The following ESRRG variants were observed in gnomAD, a reference collection of about 807,000 sequenced individuals.
The protein encoded by ESRRG is estrogen related receptor gamma.
ESRRG carries 13 observed loss-of-function variants against 44.0 expected under a neutral mutation model. The ratio of observed to expected loss-of-function variants is 0.30; its 90% CI spans 0.19 to 0.47. The LOEUF is 0.47. ESRRG is among the 20% of genes least tolerant of loss of function. ESRRG has a pLI of 1.00. For synonymous variants in ESRRG, 215 were observed against 214.6 expected, an observed-to-expected ratio of 1.00 and a Z score of -0.02; for missense variants, 395 against 580.6, an observed-to-expected ratio of 0.68 and a Z score of 3.29.
intron 2 of ESRRG, among the ~76,000 whole-genome samples, chr1:216,934,403 CA>C (rs2063807767): frequency 6.6e-6 from 1 of 152,156 alleles, no homozygotes. Flanking sequence ...CACTCCTCTC[CA>C]GCTTAGGAGA....
intron 2 of ESRRG, among the ~76,000 whole-genome samples, chr1:216,907,802 T>G (rs1411311971): frequency 6.6e-6 from 1 of 152,178 alleles, no homozygotes; most frequent in Non-Finnish European, 1.5e-5. Flanking sequence ...ACGTATTTCT[T>G]GTTCTTGCTG....
At chr1:216,538,150 A>G (rs2051563125) in intron 5 of ESRRG, among the ~76,000 whole-genome samples, 1 of 151,938 alleles carries the variant, frequency 6.6e-6, no homozygotes, top group South Asian at 2.1e-4. Context: ...CTATTACTGC[A>G]TTGTGTCGAC....
intron 1 of ESRRG, among the ~76,000 whole-genome samples, chr1:216,972,953 C>T (rs1481477086): frequency 6.6e-6 from 1 of 152,136 alleles, no homozygotes; most frequent in African/African-American, 2.4e-5. Flanking sequence ...TACCCTACAT[C>T]TAAACCATCG....
intron 2 of ESRRG, among the ~76,000 whole-genome samples, chr1:216,774,091 T>G (rs1455884766): frequency 6.6e-6 from 1 of 152,072 alleles, no homozygotes. Context: ...CCACATAGCT[T>G]AGGAGTGGAA....
rs72743313 is a variant in ESRRG at position 217,106,257 on chromosome 1, A to G, written c.-230+31410T>C. Among the ~76,000 whole-genome samples, 452 of 152,322 alleles carry G rather than the reference A, an allele frequency of 3.0e-3. 1 individual carries two copies. Among genetic ancestry groups the G allele is most frequent in the Non-Finnish European group, 5.3e-3 (358 of 68,040 alleles). On this transcript the variant is annotated intron_variant, in intron 1 of 8. Transcript: ENST00000366940. ...ATTCTCAATACATAATCCAGAGAAA[A>G]GAGCGGCATCTCTGACTAAATGGCA...
At chr1:217,106,336 T>C (rs1412870390) in intron 1 of ESRRG, among the ~76,000 whole-genome samples, 1 of 151,924 alleles carries the variant, frequency 6.6e-6, no homozygotes, top group African/African-American at 2.4e-5. Context: ...TCAGCCACCA[T>C]TCGGGAAGCC....
At chr1:216,573,401 G>C (rs2149694704) in intron 3 of ESRRG, among the ~76,000 whole-genome samples, 1 of 151,964 alleles carries the variant, frequency 6.6e-6, no homozygotes, top group South Asian at 2.1e-4. Flanking sequence ...TGGATGTAAA[G>C]AGTATATCCT....
chr1:216,619,831 G>A (rs1038871250), intron 3 of ESRRG, among the ~76,000 whole-genome samples: 2 of 152,154 alleles, frequency 1.3e-5, no homozygotes, highest in African/African-American at 4.8e-5. Flanking sequence ...GTGGCCAGGA[G>A]AGTCAAGCTG....
chr1:216,560,090 G>T (rs2058415712), intron 5 of ESRRG, among the ~76,000 whole-genome samples: 1 of 152,004 alleles, frequency 6.6e-6, no homozygotes, highest in South Asian at 2.1e-4. Context: ...GGTTTATGTG[G>T]CTTAGATTTC....
chr1:216,991,876 G>T (rs2075766145), intron 1 of ESRRG, among the ~76,000 whole-genome samples: 1 of 152,150 alleles, frequency 6.6e-6, no homozygotes, highest in East Asian at 1.9e-4. Flanking sequence ...TTTTATTTGT[G>T]CCACTAAATG....
chr1:216,844,384 C>G (rs184819033), intron 2 of ESRRG, among the ~76,000 whole-genome samples: 1 of 152,266 alleles, frequency 6.6e-6, no homozygotes, highest in Admixed American at 6.5e-5. Context: ...CACATAGCAT[C>G]ACTGCGTCAA....
chr1:216,695,988 G>T (rs1231752205), intron 1 of ESRRG, among the ~76,000 whole-genome samples: 1 of 152,160 alleles, frequency 6.6e-6, no homozygotes, highest in African/African-American at 2.4e-5. Flanking sequence ...CGTTGAAGAT[G>T]CTGGCATAGA....
At chr1:216,881,696 T>C (rs1210042069) in intron 2 of ESRRG, among the ~76,000 whole-genome samples, 1 of 152,150 alleles carries the variant, frequency 6.6e-6, no homozygotes, top group Non-Finnish European at 1.5e-5. Flanking sequence ...AAAGAATACC[T>C]GACCCTAATG....
At chr1:217,117,670 C>G (rs531232526) in intron 1 of ESRRG, among the ~76,000 whole-genome samples, 1 of 152,082 alleles carries the variant, frequency 6.6e-6, no homozygotes, top group Non-Finnish European at 1.5e-5. Flanking sequence ...AATAAGCACT[C>G]AACAAATACT....
chr1:216,607,627 G>GAATA (rs2060106426), intron 3 of ESRRG, among the ~76,000 whole-genome samples: 1 of 152,022 alleles, frequency 6.6e-6, no homozygotes, highest in Non-Finnish European at 1.5e-5. Flanking sequence ...ACCACAACCT[G>GAATA]AATATTACAT....
chr1:216,520,386 G>T (rs1328427322), intron 5 of ESRRG, among the ~76,000 whole-genome samples: 1 of 151,982 alleles, frequency 6.6e-6, no homozygotes, highest in African/African-American at 2.4e-5. Context: ...ATTCTTTTCT[G>T]CAAATCTGGG....
intron 1 of ESRRG, among the ~76,000 whole-genome samples, chr1:217,079,525 G>A (rs2091577578): frequency 6.6e-6 from 1 of 152,174 alleles, no homozygotes; most frequent in South Asian, 2.1e-4. Context: ...ACATCTGAGA[G>A]TCCACATAAT....
At chr1:216,894,557 G>A (rs1349079469) in intron 2 of ESRRG, among the ~76,000 whole-genome samples, 8 of 152,088 alleles carry the variant, frequency 5.3e-5, no homozygotes, top group Non-Finnish European at 1.0e-4. Flanking sequence ...TGTCTTTACA[G>A]AGGAACTAGC....
At chr1:216,930,590 A>T (rs1206279317) in intron 2 of ESRRG, among the ~76,000 whole-genome samples, 1 of 152,200 alleles carries the variant, frequency 6.6e-6, no homozygotes, top group Non-Finnish European at 1.5e-5. Context: ...TGGAAACTGC[A>T]AAGACGTATA....
Sources: gnomAD v4.1 joint callset for allele counts (sites outside exome capture counted in the v4.1 genomes callset) on GRCh38, gnomAD v4.1.1 for gene constraint, MANE v1.5 for transcripts, NCBI Gene and HGNC (gene_info 2026-07-23, HGNC 2026-07-21) for gene names.